THSD7B: variants seen among roughly 807,000 people sequenced by gnomAD.
THSD7B encodes the protein thrombospondin type 1 domain containing 7B, also known as thrombospondin type-1 domain-containing protein 7B.
Under a neutral mutation model 213.6 loss-of-function variants are expected in THSD7B, and 138 were observed. The observed-to-expected ratio is 0.65, with a 90% CI of 0.56 to 0.74. THSD7B has a LOEUF of 0.74. Ranked by LOEUF, THSD7B falls within the 30% of genes least tolerant of loss-of-function variation. The pLI is 0.00. For synonymous variants in THSD7B, 742 were observed against 687.0 expected (o/e 1.08, Z -1.25); for missense variants, 1,931 against 1,991.5 (o/e 0.97, Z 0.58).
At chr2:137,464,006 G>T (rs932552030) in intron 15 of THSD7B, among the ~76,000 whole-genome samples, 1 of 152,052 alleles carries the variant, frequency 6.6e-6, no homozygotes, top group South Asian at 2.1e-4. Context: ...TGTAGGTCTG[G>T]GTTGTAAATC....
rs79884208 is a variant in THSD7B at position 137,068,743 on chromosome 2, G to A, written c.950+11513G>A. Reference sequence around the variant, plus strand: ...TTACTCTGTTCATATGCCTAACTTCGGATCTGTTTCCTTTTGGTAGTATCT... The same window carrying A: ...TTACTCTGTTCATATGCCTAACTTCAGATCTGTTTCCTTTTGGTAGTATCT... On this transcript the variant is annotated intron_variant, in intron 3 of 27. Coordinates refer to ENST00000409968, the MANE Select transcript of THSD7B (RefSeq NM_001316349.2). Among the ~76,000 whole-genome samples, 576 of 152,032 alleles carry A rather than the reference G, an allele frequency of 3.8e-3. 6 individuals are homozygous for A. The East Asian group carries it at 0.042, about 11-fold the overall frequency.
chr2:136,898,787 C>T (rs1411452238), intron 2 of THSD7B, among the ~76,000 whole-genome samples: 30 of 151,794 alleles, frequency 2.0e-4, no homozygotes, highest in Non-Finnish European at 4.3e-4. Context: ...GGACCACAGG[C>T]GTGCACCACC....
intron 2 of THSD7B, among the ~76,000 whole-genome samples, chr2:136,922,218 T>G (rs1421688661): frequency 6.6e-6 from 1 of 152,186 alleles, no homozygotes; most frequent in East Asian, 1.9e-4. Context: ...GGATGGCCAC[T>G]GTCGCTACAT....
At chr2:137,566,858 G>T (rs987186079) in intron 16 of THSD7B, among the ~76,000 whole-genome samples, 1 of 152,172 alleles carries the variant, frequency 6.6e-6, no homozygotes, top group Admixed American at 6.5e-5. Flanking sequence ...ACGAAACTGG[G>T]TTGGAGTTAT....
chr2:137,249,260 T>A (rs1175414296), intron 10 of THSD7B, among the ~76,000 whole-genome samples: 1 of 152,092 alleles, frequency 6.6e-6, no homozygotes, highest in Non-Finnish European at 1.5e-5. Flanking sequence ...TATATTTTTT[T>A]AATTATGGGA....
intron 1 of THSD7B, among the ~76,000 whole-genome samples, chr2:136,791,603 A>G (rs1232498144): frequency 2.0e-5 from 3 of 151,010 alleles, no homozygotes; most frequent in African/African-American, 7.3e-5. Flanking sequence ...TAGATCCTAT[A>G]GATTTTCCAA....
At chr2:137,518,933 C>G (rs1680126771) in intron 15 of THSD7B, among the ~76,000 whole-genome samples, 1 of 152,176 alleles carries the variant, frequency 6.6e-6, no homozygotes, top group South Asian at 2.1e-4. Flanking sequence ...ATGGAAAGGG[C>G]AGAGGTTTGT....
chr2:137,664,123 G>A (rs1683404121), intron 26 of THSD7B, among the ~76,000 whole-genome samples: 1 of 152,122 alleles, frequency 6.6e-6, no homozygotes, highest in Non-Finnish European at 1.5e-5. Flanking sequence ...AAAGTGCTGG[G>A]ATTACAGGCA....
chr2:137,384,080 C>T (rs1234968369), intron 12 of THSD7B, among the ~76,000 whole-genome samples: 2 of 152,166 alleles, frequency 1.3e-5, no homozygotes, highest in African/African-American at 4.8e-5. Flanking sequence ...AGTCCTTTGG[C>T]ACCTGATACC....
At chr2:137,075,354 A>C (rs1049366632) in intron 3 of THSD7B, among the ~76,000 whole-genome samples, 4 of 151,694 alleles carry the variant, frequency 2.6e-5, no homozygotes, top group African/African-American at 9.7e-5. Context: ...CATCGCTGGT[A>C]CTCTTTCTTC....
At chr2:136,999,512 T>G (rs970554754) in intron 2 of THSD7B, among the ~76,000 whole-genome samples, 3 of 151,896 alleles carry the variant, frequency 2.0e-5, no homozygotes, top group African/African-American at 7.3e-5. Flanking sequence ...ATCCCTTTTG[T>G]GTGTCAATAT....
chr2:137,370,002 G>A (rs755178692), intron 12 of THSD7B, among the ~76,000 whole-genome samples: 3 of 152,034 alleles, frequency 2.0e-5, no homozygotes, highest in Non-Finnish European at 4.4e-5. Context: ...GCCACTTTTT[G>A]TTGTGTCATT....
At chr2:137,634,328 A>G (rs1231121076) in intron 20 of THSD7B, among the ~76,000 whole-genome samples, 1 of 152,096 alleles carries the variant, frequency 6.6e-6, no homozygotes, top group Non-Finnish European at 1.5e-5. Context: ...GCCAATAATA[A>G]TGTCATTCAT....
At chr2:137,424,015 T>A (rs1277816377) in intron 14 of THSD7B, among the ~76,000 whole-genome samples, 2 of 152,136 alleles carry the variant, frequency 1.3e-5, no homozygotes, top group African/African-American at 4.8e-5. Context: ...CCCTTACATT[T>A]ATGCTCAATT....
At chr2:137,347,128 ACAGAAAAAAGTCCC>A (rs779159326) in intron 12 of THSD7B, among the ~76,000 whole-genome samples, 5 of 151,710 alleles carry the variant, frequency 3.3e-5, no homozygotes, top group Non-Finnish European at 7.4e-5. Context: ...CTGTCCTTTT[ACAGAAAAAAGTCCC>A]CAACCCTTGC....
intron 15 of THSD7B, among the ~76,000 whole-genome samples, chr2:137,511,568 A>G (rs1386014941): frequency 3.9e-5 from 6 of 152,320 alleles, no homozygotes; most frequent in Admixed American, 2.6e-4. Flanking sequence ...AGTGTTTGAT[A>G]GCCTGGTTCC....
rs778033242 is a variant in THSD7B, at chr2:137,544,242, A to G, written c.3139-18979A>G. On this transcript the variant is annotated intron_variant, in intron 15 of 27. Coordinates refer to ENST00000409968, the MANE Select transcript of THSD7B (RefSeq NM_001316349.2). ...AAAGAATGCATAAACAAAATGTAGT[A>G]CGTTCACACAAATGAGTACTATTCA... Among the ~76,000 whole-genome samples, 3 of 151,802 alleles carry G rather than the reference A, an allele frequency of 2.0e-5. No individual in the cohort carries two copies. In the South Asian group the frequency reaches 6.2e-4, roughly 31 times the overall value.
intron 15 of THSD7B, among the ~76,000 whole-genome samples, chr2:137,508,786 T>TG (rs931949833): frequency 1.3e-5 from 2 of 152,134 alleles, no homozygotes; most frequent in African/African-American, 4.8e-5. Context: ...GGGAAACTTA[T>TG]GGGTTGGAGC....
intron 12 of THSD7B, among the ~76,000 whole-genome samples, chr2:137,287,017 C>T (rs1242462574): frequency 6.6e-6 from 1 of 152,082 alleles, no homozygotes; most frequent in Non-Finnish European, 1.5e-5. Flanking sequence ...TTTTTAATAA[C>T]TTTTGTGAGA....
Sources: allele counts gnomAD v4.1 joint callset (sites outside exome capture counted in the v4.1 genomes callset), GRCh38; gene constraint gnomAD v4.1.1; transcripts MANE v1.5; gene names NCBI Gene and HGNC (gene_info 2026-07-23, HGNC 2026-07-21).